EGFLAM: variants seen among roughly 807,000 people sequenced by gnomAD.
EGFLAM encodes the protein pikachurin.
Under a neutral mutation model 113.1 loss-of-function variants are expected in EGFLAM, and 79 were observed. That is an observed-to-expected ratio of 0.70 (90% CI 0.58 to 0.84). The LOEUF is 0.84. EGFLAM is among the 40% of genes least tolerant of loss of function. The pLI is 0.00. For synonymous variants in EGFLAM, 504 were observed against 487.6 expected (o/e 1.03, Z -0.44); for missense variants, 1,265 against 1,291.6 (o/e 0.98, Z 0.32).
intron 18 of EGFLAM, among the ~76,000 whole-genome samples, chr5:38,450,500 G>A (rs1300078038): frequency 1.3e-5 from 2 of 152,224 alleles, no homozygotes; most frequent in African/African-American, 4.8e-5. Context: ...AATGGACAAA[G>A]AAACTTTTCC....
At chr5:38,283,009 A>G (rs1758057366) in intron 1 of EGFLAM, among the ~76,000 whole-genome samples, 1 of 152,206 alleles carries the variant, frequency 6.6e-6, no homozygotes, top group African/African-American at 2.4e-5. Context: ...GTGCCACCAC[A>G]CCAGGCTAAT....
At chr5:38,375,290 A>C (rs1280544394) in intron 6 of EGFLAM, among the ~76,000 whole-genome samples, 1 of 152,200 alleles carries the variant, frequency 6.6e-6, no homozygotes, top group Non-Finnish European at 1.5e-5. Context: ...AAACCAAGAC[A>C]CAGAAATGTT....
intron 1 of EGFLAM, among the ~76,000 whole-genome samples, chr5:38,306,490 G>A (rs919227241): frequency 6.6e-6 from 1 of 152,136 alleles, no homozygotes; most frequent in Non-Finnish European, 1.5e-5. Context: ...ATTATAGTTC[G>A]ATATCTCATG....
chr5:38,343,962 C>T (rs1739410476), intron 3 of EGFLAM, among the ~76,000 whole-genome samples: 1 of 152,222 alleles, frequency 6.6e-6, no homozygotes, highest in African/African-American at 2.4e-5. Context: ...GGCTCACAGT[C>T]AAGTGCTCTA....
At chr5:38,333,736 C>T (rs963495503) in intron 1 of EGFLAM, among the ~76,000 whole-genome samples, 1 of 151,968 alleles carries the variant, frequency 6.6e-6, no homozygotes, top group Non-Finnish European at 1.5e-5. Context: ...AATATTTTCT[C>T]CCACTCTGTA....
In EGFLAM at chr5:38,412,583, T is replaced by G; in HGVS notation, c.1429T>G (p.Tyr477Asp). The change falls in exon 11 of 22, where the codon TAC becomes GAC. Residue 477 changes from tyrosine (Y) to aspartate (D), a missense_variant. Tyr to Asp is a radical substitution (Grantham distance 160). Transcript: ENST00000322350. ...AGGGGGTTGGCACACGGTTATGCTCTACAGAGATGGGCTGAACGGGCTGCT... is the reference window on the plus strand; with the variant it reads ...AGGGGGTTGGCACACGGTTATGCTCGACAGAGATGGGCTGAACGGGCTGCT... ...KLGGWHTVML[Y>D]RDGLNGLLQL... The G allele has an allele frequency of 6.2e-7, 1 of 1,614,194 alleles. No homozygotes were observed. Among genetic ancestry groups the G allele is most frequent in the South Asian group, 1.1e-5 (1 of 91,082 alleles).
At chr5:38,412,441 G>A (rs2112145191) in intron 10 of EGFLAM, 63 bp from the exon 11 acceptor site, 6 of 1,612,608 alleles carry the variant, frequency 3.7e-6, no homozygotes, top group Non-Finnish European at 5.1e-6. Context: ...GACGTCCACG[G>A]AATCTGAAAA....
intron 10 of EGFLAM, among the ~76,000 whole-genome samples, chr5:38,411,342 C>T (rs917192475): frequency 6.6e-6 from 1 of 151,964 alleles, no homozygotes; most frequent in Admixed American, 6.6e-5. Context: ...GTGGGAGAAT[C>T]GCTTGAACCT....
intron 12 of EGFLAM, among the ~76,000 whole-genome samples, chr5:38,419,026 T>C (rs914684499): frequency 3.3e-5 from 5 of 152,124 alleles, no homozygotes; most frequent in Non-Finnish European, 7.4e-5. Context: ...GCCAGCCAAT[T>C]TGGTTCCTGG....
At chr5:38,402,400 AC>A (rs1208466810) in intron 6 of EGFLAM, among the ~76,000 whole-genome samples, 1 of 152,168 alleles carries the variant, frequency 6.6e-6, no homozygotes, top group Admixed American at 6.5e-5. Flanking sequence ...GGAAGTAATA[AC>A]ACCAATTTTA....
chr5:38,303,782 C>CA (rs937796217), intron 1 of EGFLAM, among the ~76,000 whole-genome samples: 4 of 151,996 alleles, frequency 2.6e-5, no homozygotes, highest in Admixed American at 2.0e-4. Flanking sequence ...TGGTAACAGT[C>CA]ACAAAATTTC....
intron 17 of EGFLAM, among the ~76,000 whole-genome samples, chr5:38,446,077 G>C (rs1353864194): frequency 2.0e-5 from 3 of 152,160 alleles, no homozygotes; most frequent in Non-Finnish European, 4.4e-5. Flanking sequence ...ACCCACCAGG[G>C]ACTCCTTGGT....
chr5:38,307,398 A>C (rs1008961879), intron 1 of EGFLAM, among the ~76,000 whole-genome samples: 1 of 152,204 alleles, frequency 6.6e-6, no homozygotes. Flanking sequence ...TAATGAGTGA[A>C]TTCTCACAAG....
At chr5:38,260,444 T>A (rs1364252271) in intron 1 of EGFLAM, among the ~76,000 whole-genome samples, 1 of 152,218 alleles carries the variant, frequency 6.6e-6, no homozygotes, top group Non-Finnish European at 1.5e-5. Flanking sequence ...ATGTGGGTCA[T>A]CATATTTTCC....
chr5:38,370,947 G>T (rs1004490084), intron 6 of EGFLAM, among the ~76,000 whole-genome samples: 4 of 152,182 alleles, frequency 2.6e-5, no homozygotes, highest in Non-Finnish European at 5.9e-5. Context: ...AGCTGGGGCT[G>T]TAGCCAATGG....
chr5:38,272,041 A>G (rs986279933), intron 1 of EGFLAM, among the ~76,000 whole-genome samples: 8 of 152,156 alleles, frequency 5.3e-5, no homozygotes, highest in African/African-American at 1.9e-4. Context: ...ACATTTGAAA[A>G]CCCACATTTC....
intron 11 of EGFLAM, among the ~76,000 whole-genome samples, chr5:38,413,059 TC>T (rs1741534476): frequency 1.3e-5 from 2 of 151,920 alleles, no homozygotes; most frequent in African/African-American, 2.4e-5. Context: ...TCTCACTCTG[TC>T]CCCCAGGCTG....
At chr5:38,442,272 G>C (rs1287218838) in intron 17 of EGFLAM, among the ~76,000 whole-genome samples, 2 of 146,876 alleles carry the variant, frequency 1.4e-5, no homozygotes, top group Non-Finnish European at 3.0e-5. Flanking sequence ...TATATTAAAT[G>C]TTATGTCATT....
intron 1 of EGFLAM, 136 bp downstream of exon 1, chr5:38,258,987 G>T (rs1757429970): frequency 1.0e-6 from 1 of 1,000,826 alleles, no homozygotes. Flanking sequence ...GCTCTGCCAG[G>T]AGCTGAGAAA....
Sources: allele counts gnomAD v4.1 joint callset (sites outside exome capture counted in the v4.1 genomes callset), GRCh38; gene constraint gnomAD v4.1.1; transcripts MANE v1.5; gene names NCBI Gene and HGNC (gene_info 2026-07-23, HGNC 2026-07-21).